AUTS2: variants seen among roughly 807,000 people sequenced by gnomAD.
The protein encoded by AUTS2 is activator of transcription and developmental regulator AUTS2.
A neutral mutation model predicts 112.4 loss-of-function variants in AUTS2; 17 were observed. That is an observed-to-expected ratio of 0.15 (90% CI 0.10 to 0.23). AUTS2 has a LOEUF of 0.23. Among genes scored for constraint, AUTS2 ranks in the 10% least tolerant of loss-of-function variants. AUTS2 has a pLI of 1.00. For missense variants in AUTS2, 1,510 were observed against 1,701.6 expected (o/e 0.89, Z 1.98); for synonymous variants, 751 against 702.7 (o/e 1.07, Z -1.09).
intron 1 of AUTS2, among the ~76,000 whole-genome samples, chr7:69,754,209 G>A (rs939863206): frequency 1.3e-5 from 2 of 152,222 alleles, no homozygotes; most frequent in Admixed American, 1.3e-4. Context: ...CCAACACTGT[G>A]TGGGAAGAGG....
intron 2 of AUTS2, among the ~76,000 whole-genome samples, chr7:70,025,984 G>A (rs1800504451): frequency 6.6e-6 from 1 of 152,138 alleles, no homozygotes; most frequent in Non-Finnish European, 1.5e-5. Context: ...AAAGCTGTAA[G>A]GAGTGTCACC....
chr7:70,681,796 C>T (rs1182484080), intron 5 of AUTS2, among the ~76,000 whole-genome samples: 5 of 152,236 alleles, frequency 3.3e-5, no homozygotes, highest in East Asian at 1.9e-4. Flanking sequence ...AAACTGGGAA[C>T]GGGGGCTCCA....
chr7:69,879,700 C>A (rs1214997731), intron 1 of AUTS2, among the ~76,000 whole-genome samples: 1 of 152,200 alleles, frequency 6.6e-6, no homozygotes, highest in African/African-American at 2.4e-5. Context: ...TGTTAAATAA[C>A]TTACCTAGTG....
chr7:69,809,653 A>G (rs1394022609), intron 1 of AUTS2, among the ~76,000 whole-genome samples: 1 of 152,172 alleles, frequency 6.6e-6, no homozygotes, highest in Admixed American at 6.6e-5. Context: ...CCCTAGAGAG[A>G]GAGTAACACA....
intron 5 of AUTS2, among the ~76,000 whole-genome samples, chr7:70,583,592 C>T (rs986326006): frequency 2.0e-5 from 3 of 152,176 alleles, no homozygotes; most frequent in African/African-American, 7.2e-5. Context: ...CCAGGTAATG[C>T]TTAGAGTCCC....
At chr7:70,082,930 A>T (rs34519726) in intron 2 of AUTS2, among the ~76,000 whole-genome samples, 1 of 151,956 alleles carries the variant, frequency 6.6e-6, no homozygotes, top group African/African-American at 2.4e-5. Context: ...TTCAGTACCT[A>T]CTGTGTGACT....
rs572115813 is a variant in AUTS2, at chr7:69,856,367, T to C, written c.310-42919T>C. Among the ~76,000 whole-genome samples, 87 of 152,314 alleles carry C rather than the reference T, an allele frequency of 5.7e-4. 1 individual carries two copies. The highest frequency in any genetic ancestry group is 1.8e-3 in the African/African-American group (76 of 41,566). ...AAGCTGAGCTTTGAGAAGCATACTTTAGTAACGCATTTTCTGTGTCCTCTC... is the reference window on the plus strand; with the variant it reads ...AAGCTGAGCTTTGAGAAGCATACTTCAGTAACGCATTTTCTGTGTCCTCTC... On this transcript the variant is annotated intron_variant, in intron 1 of 18. Transcript: ENST00000342771.
intron 1 of AUTS2, among the ~76,000 whole-genome samples, chr7:69,643,032 TACTGAGCCCAC>T (rs1392767870): frequency 1.3e-5 from 2 of 152,294 alleles, no homozygotes; most frequent in East Asian, 3.9e-4. Context: ...AAGCATAAGC[TACTGAGCCCAC>T]TGTGATTGTT....
At chr7:69,896,487 G>T (rs1452271193) in intron 1 of AUTS2, among the ~76,000 whole-genome samples, 1 of 151,636 alleles carries the variant, frequency 6.6e-6, no homozygotes, top group Non-Finnish European at 1.5e-5. Context: ...CCTTTTCTGG[G>T]GTTTCTTGCT....
intron 4 of AUTS2, among the ~76,000 whole-genome samples, chr7:70,142,263 A>G (rs575530835): frequency 6.6e-6 from 1 of 152,264 alleles, no homozygotes; most frequent in South Asian, 2.1e-4. Context: ...AGAGGGAAAA[A>G]ATGATTTTGG....
At position 70,065,889 on chromosome 7, in the gene AUTS2, T is replaced by A. The variant is rs1485051149; in HGVS notation, c.523-52243T>A. Among the ~76,000 whole-genome samples the A allele has an allele frequency of 2.6e-5, 4 of 152,174 alleles. No individual in the cohort carries two copies. The East Asian group carries it at 7.7e-4, about 29-fold the overall frequency. ...CACAGCTATTTAATAACAGTTTTTT[T>A]TAGAGAGGGAGCGTTGCTTTGTTGT... On this transcript the variant is annotated intron_variant, in intron 2 of 18. Transcript: ENST00000342771.
At chr7:70,654,519 T>C (rs1460420457) in intron 5 of AUTS2, among the ~76,000 whole-genome samples, 3 of 152,222 alleles carry the variant, frequency 2.0e-5, no homozygotes, top group Non-Finnish European at 4.4e-5. Flanking sequence ...TAATGGCATT[T>C]ATTCTACTTC....
At chr7:70,222,565 C>T (rs758002374) in intron 4 of AUTS2, among the ~76,000 whole-genome samples, 9 of 151,428 alleles carry the variant, frequency 5.9e-5, no homozygotes, top group Non-Finnish European at 1.2e-4. Flanking sequence ...AAGGAATCAC[C>T]CTATCTTCTT....
chr7:70,653,756 G>T (rs1806629305), intron 5 of AUTS2, among the ~76,000 whole-genome samples: 1 of 152,176 alleles, frequency 6.6e-6, no homozygotes, highest in African/African-American at 2.4e-5. Flanking sequence ...GAGATCAGTT[G>T]TATTTTTTTC....
At chr7:70,448,055 G>T (rs774305986) in intron 5 of AUTS2, among the ~76,000 whole-genome samples, 1 of 152,154 alleles carries the variant, frequency 6.6e-6, no homozygotes, top group African/African-American at 2.4e-5. Context: ...GGGCCCATAG[G>T]CTGCCATATA....
chr7:70,766,289 C>T lies in AUTS2; in HGVS notation c.1644C>T (p.His548=), dbSNP rs779465333. The T allele has an allele frequency of 5.0e-6, 8 of 1,614,094 alleles. No individual in the cohort carries two copies. Among genetic ancestry groups the T allele is most frequent in the African/African-American group, 2.7e-5 (2 of 75,024 alleles). Residue 548 remains histidine (H), a synonymous_variant, in exon 9 of 19, where the codon CAC becomes CAT. Coordinates refer to ENST00000342771, the MANE Select transcript of AUTS2 (RefSeq NM_015570.4). The surrounding 1 kb of genome is among the most constrained non-coding windows in gnomAD (Gnocchi z 4.8). ...THQHTFTPFP[H]AIPPTAIMPT... ...AGCACACCTTCACGCCGTTCCCCCA[C>T]GCCATCCCACCCACCGCCATCATGC... is the stretch of plus-strand genomic sequence containing the variant.
intron 4 of AUTS2, among the ~76,000 whole-genome samples, chr7:70,206,441 T>A (rs938566830): frequency 6.6e-6 from 1 of 152,148 alleles, no homozygotes; most frequent in African/African-American, 2.4e-5. Context: ...TAATTGAGTG[T>A]TGAGAGAAAG....
chr7:70,579,875 A>G (rs1322985779), intron 5 of AUTS2, among the ~76,000 whole-genome samples: 1 of 152,204 alleles, frequency 6.6e-6, no homozygotes, highest in Non-Finnish European at 1.5e-5. Flanking sequence ...CCCCTAAGCC[A>G]CCATTTCCTT....
chr7:70,064,664 A>T (rs1802406787), intron 2 of AUTS2, among the ~76,000 whole-genome samples: 1 of 152,200 alleles, frequency 6.6e-6, no homozygotes, highest in Non-Finnish European at 1.5e-5. Flanking sequence ...CTTAAAGGCA[A>T]ATGTGGTACC....
Sources: allele counts gnomAD v4.1 joint callset (sites outside exome capture counted in the v4.1 genomes callset), GRCh38; gene constraint gnomAD v4.1.1; non-coding constraint Gnocchi (gnomAD v3.1); transcripts MANE v1.5; gene names NCBI Gene and HGNC (gene_info 2026-07-23, HGNC 2026-07-21).